CASQ2: variants seen among roughly 807,000 people sequenced by gnomAD.
The protein encoded by CASQ2 is calsequestrin 2, also known as calsequestrin-2.
A neutral mutation model predicts 46.5 loss-of-function variants in CASQ2; 49 were observed. That is an observed-to-expected ratio of 1.05 (90% confidence interval 0.84 to 1.34). The LOEUF (loss-of-function observed/expected upper bound fraction) is 1.34, where lower values mean the gene tolerates loss of function less well. CASQ2 is among the 40% of genes most tolerant of loss of function. CASQ2 has a pLI of 0.00. For synonymous variants in CASQ2, 174 were observed against 168.5 expected (o/e 1.03, Z -0.25); for missense variants, 486 against 481.3 (o/e 1.01, Z -0.09).
At chr1:115,745,603 T>C (rs9887923) in intron 1 of CASQ2, among the ~76,000 whole-genome samples, 41,613 of 152,038 alleles carry the variant, frequency 0.27, 6,095 homozygotes, top group East Asian at 0.43. Context: ...TATGTTAAGC[T>C]TCCTGCAATG....
At chr1:115,717,074 G>C (rs974041151) in intron 8 of CASQ2, among the ~76,000 whole-genome samples, 5 of 152,116 alleles carry the variant, frequency 3.3e-5, no homozygotes, top group Non-Finnish European at 7.4e-5. Context: ...CCTTGGTCCT[G>C]CTCCTGCCAT....
chr1:115,709,192 A>AC (rs1557786290), intron 8 of CASQ2, among the ~76,000 whole-genome samples: 1 of 151,928 alleles, frequency 6.6e-6, no homozygotes, highest in Non-Finnish European at 1.5e-5. Context: ...TACAAGTTCA[A>AC]TTTTTTTCCA....
At chr1:115,740,959 G>A in intron 2 of CASQ2, 131 bp from the exon 3 acceptor site, 2 of 695,416 alleles carry the variant, frequency 2.9e-6, no homozygotes, top group South Asian at 3.1e-5. Flanking sequence ...ATTAACCAAA[G>A]AAGCAGTTGC....
At chr1:115,727,821 C>T (rs1471424916) in intron 5 of CASQ2, among the ~76,000 whole-genome samples, 3 of 152,194 alleles carry the variant, frequency 2.0e-5, no homozygotes, top group Non-Finnish European at 4.4e-5. Flanking sequence ...GGATGATTTG[C>T]TCATCTTACA....
At chr1:115,739,654 C>A (rs1036944802) in intron 3 of CASQ2, among the ~76,000 whole-genome samples, 22 of 152,172 alleles carry the variant, frequency 1.4e-4, no homozygotes, top group Non-Finnish European at 2.6e-4. Flanking sequence ...TGCTGGCCAT[C>A]TTATAGCTAA....
chr1:115,750,454 A>G (rs561022391), intron 1 of CASQ2, among the ~76,000 whole-genome samples: 17 of 152,178 alleles, frequency 1.1e-4, no homozygotes, highest in African/African-American at 4.1e-4. Context: ...ACCATTGCTG[A>G]TTCTTTTAAG....
chr1:115,716,427 A>C (rs1055675219), intron 8 of CASQ2, among the ~76,000 whole-genome samples: 1 of 152,236 alleles, frequency 6.6e-6, no homozygotes, highest in Non-Finnish European at 1.5e-5. Flanking sequence ...AAGCACAGAC[A>C]ATATTTTATG....
At chr1:115,729,035 CTTTTTTTTTTTTT>C (rs753965730) in intron 5 of CASQ2, among the ~76,000 whole-genome samples, 8 of 68,834 alleles carry the variant, frequency 1.2e-4, no homozygotes, top group Non-Finnish European at 1.9e-4. Flanking sequence ...CTCTTTCATT[CTTTTTTTTTTTTT>C]TTTTTTTTTT....
chr1:115,756,463 A>G (rs965601636), intron 1 of CASQ2, among the ~76,000 whole-genome samples: 1 of 152,242 alleles, frequency 6.6e-6, no homozygotes, highest in South Asian at 2.1e-4. Flanking sequence ...ACAATTATGC[A>G]AAAATACTCT....
At chr1:115,715,060 AG>A (rs1654656998) in intron 8 of CASQ2, among the ~76,000 whole-genome samples, 1 of 152,212 alleles carries the variant, frequency 6.6e-6, no homozygotes, top group Non-Finnish European at 1.5e-5. Flanking sequence ...GGAAGGTGGC[AG>A]GTGAGGTGGG....
rs189127955 is a variant in CASQ2, at chr1:115,709,612, C to A, written c.839-4320G>T. Among the ~76,000 whole-genome samples the A allele has an allele frequency of 1.3e-3, 194 of 152,252 alleles. 1 individual carries two copies. The highest frequency in any genetic ancestry group is 2.2e-4 in the Non-Finnish European group (15 of 68,020). ...CATCAGTTCTCAAAATCAGAAGAGA[C>A]CCCCGCAACCCAGACATTCCAAACT... On this transcript the variant is annotated intron_variant, in intron 8 of 10. Coordinates refer to ENST00000261448, the MANE Select transcript of CASQ2 (RefSeq NM_001232.4).
intron 1 of CASQ2, among the ~76,000 whole-genome samples, chr1:115,759,946 A>C (rs560483820): frequency 2.0e-5 from 3 of 152,318 alleles, no homozygotes; most frequent in Non-Finnish European, 4.4e-5. Flanking sequence ...GGTCTTTAAA[A>C]GCCAGGCAAT....
rs543598440 is a variant in CASQ2, at chr1:115,715,691, G to T, written c.838+2149C>A. On this transcript the variant is annotated intron_variant, in intron 8 of 10. Transcript: ENST00000261448. The stretch of plus-strand genomic sequence containing the variant: ...TAAAAGGGTTACTATTATGGTATAT[G>T]GATTATATCTTGATTTTATAAATTA... Among the ~76,000 whole-genome samples, 13 of 152,238 alleles carry T rather than the reference G, an allele frequency of 8.5e-5. No individual in the cohort carries two copies. In the South Asian group the frequency reaches 2.7e-3, roughly 32 times the overall value.
chr1:115,765,823 C>A (rs748887196), intron 1 of CASQ2, among the ~76,000 whole-genome samples: 1 of 152,172 alleles, frequency 6.6e-6, no homozygotes, highest in Non-Finnish European at 1.5e-5. Context: ...CTGGGAACTG[C>A]CTCCTCTTTT....
intron 1 of CASQ2, among the ~76,000 whole-genome samples, chr1:115,762,075 G>A (rs1488513927): frequency 1.3e-5 from 2 of 152,116 alleles, no homozygotes; most frequent in Non-Finnish European, 2.9e-5. Context: ...GTGTACACCG[G>A]GCAGCAGCCT....
intron 8 of CASQ2, among the ~76,000 whole-genome samples, chr1:115,716,615 C>A (rs1349471263): frequency 2.6e-5 from 4 of 152,140 alleles, no homozygotes; most frequent in Non-Finnish European, 5.9e-5. Flanking sequence ...GCCCAGTGTA[C>A]CTTTCTATGT....
chr1:115,715,518 G>C (rs1449400198), intron 8 of CASQ2, among the ~76,000 whole-genome samples: 1 of 152,182 alleles, frequency 6.6e-6, no homozygotes, highest in Admixed American at 6.5e-5. Context: ...AAATTTTAGA[G>C]ATAGTAGGTA....
rs193165220 is a variant in CASQ2, at chr1:115,715,935, C to A, written c.838+1905G>T. 3.3e-5 allele frequency among the ~76,000 whole-genome samples: 5 copies of A among 152,264 alleles called. No homozygotes were observed. In the South Asian group the frequency reaches 1.0e-3, roughly 32 times the overall value. On this transcript the variant is annotated intron_variant, in intron 8 of 10. Coordinates refer to ENST00000261448, the MANE Select transcript of CASQ2 (RefSeq NM_001232.4). ...ATCAGCTATATATTGATGAAAAAGG[C>A]GATCTGTTCACCCTTCATGATCTGC...
At chr1:115,721,454 A>G (rs1296861744) in intron 7 of CASQ2, among the ~76,000 whole-genome samples, 1 of 152,216 alleles carries the variant, frequency 6.6e-6, no homozygotes, top group Non-Finnish European at 1.5e-5. Flanking sequence ...AACCTGCACA[A>G]TTAGAGTGAG....
Sources: allele counts gnomAD v4.1 joint callset (sites outside exome capture counted in the v4.1 genomes callset), GRCh38; gene constraint gnomAD v4.1.1; transcripts MANE v1.5; gene names NCBI Gene and HGNC (gene_info 2026-07-23, HGNC 2026-07-21).